The following SLC17A1 variants were observed in gnomAD, a reference collection of about 807,000 sequenced individuals.
SLC17A1 encodes the protein solute carrier family 17 member 1.
In SLC17A1, 51 loss-of-function variants were observed where a neutral mutation model predicts 53.5. That is an observed-to-expected ratio of 0.95 (90% CI 0.76 to 1.20). The LOEUF (loss-of-function observed/expected upper bound fraction) is 1.20. Among genes scored for constraint, SLC17A1 ranks in the 50% most tolerant of loss-of-function variants. SLC17A1 has a pLI of 0.00. For synonymous variants in SLC17A1, 179 were observed against 198.8 expected (o/e 0.90, Z 0.84); for missense variants, 538 against 568.2 (o/e 0.95, Z 0.54).
At chr6:25,777,622 C>G in the SLC17A1 span, 1 of 248,838 alleles carries the variant, frequency 4.0e-6, no homozygotes, top group East Asian at 8.1e-5. Flanking sequence ...CCTTACAAAC[C>G]AGGTGCAGAC....
chr6:25,818,904 G>T (rs1477619592), intron 6 of SLC17A1, among the ~76,000 whole-genome samples, 164 bp downstream of exon 6: 2 of 152,142 alleles, frequency 1.3e-5, no homozygotes, highest in Non-Finnish European at 2.9e-5. Context: ...ATAATACCTT[G>T]CTTGTGATAG....
the SLC17A1 span, chr6:25,727,035 A>G: frequency 2.5e-6 from 4 of 1,614,274 alleles, no homozygotes; most frequent in South Asian, 2.2e-5. Context: ...TTCTATTTAC[A>G]TCTACAAAGT....
chr6:25,727,076 C>G, the SLC17A1 span: 3 of 1,614,120 alleles, frequency 1.9e-6, no homozygotes, highest in African/African-American at 1.3e-5. Context: ...ACACTGGCAT[C>G]TCTTCGAAAG....
At position 25,798,883 on chromosome 6, in the gene SLC17A1, T is replaced by C; in HGVS notation, c.1306A>G (p.Met436Val). ...AGGCCAGTCACATTAATGGCTGCCA[T>C]CAGGATGAAGGTTTTAAACCAGGCG... ...ESAWFKTFIL[M>V]AAINVTGLIF... is the part of the protein sequence containing the mutation. Residue 436 changes from methionine to valine, a missense_variant, in exon 12 of 13, where the codon ATG (methionine) becomes GTG (valine). By Grantham distance (21) the Met-to-Val change is conservative. Transcript: ENST00000244527. The C allele has an allele frequency of 1.2e-6, 2 of 1,605,376 alleles. No homozygotes were observed. Among genetic ancestry groups the C allele is most frequent in the Non-Finnish European group, 1.7e-6 (2 of 1,174,120 alleles).
intron 10 of SLC17A1, among the ~76,000 whole-genome samples, chr6:25,804,178 T>G (rs1763880093): frequency 6.6e-6 from 1 of 152,146 alleles, no homozygotes; most frequent in Admixed American, 6.5e-5. Flanking sequence ...CAATGTAGCT[T>G]AACTATCCAG....
At chr6:25,732,763 C>T in the SLC17A1 span, 7 of 1,029,566 alleles carry the variant, frequency 6.8e-6, no homozygotes, top group Admixed American at 1.9e-5. Flanking sequence ...TTTTGCCCAA[C>T]ATCCAAGCTG....
At chr6:25,792,480 A>T (rs1763523503) in intron 12 of SLC17A1, among the ~76,000 whole-genome samples, 1 of 125,984 alleles carries the variant, frequency 7.9e-6, no homozygotes, top group Non-Finnish European at 1.6e-5. Context: ...ACTCCCTTTA[A>T]AATTGTTCTA....
chr6:25,827,838 A>G lies in SLC17A1; in HGVS notation c.35-1205T>C, dbSNP rs75967274. Among the ~76,000 whole-genome samples, 31 of 152,298 alleles carry G rather than the reference A, an allele frequency of 2.0e-4. No individual in the cohort carries two copies. The East Asian group carries it at 5.8e-3, about 28-fold the overall frequency. Reference sequence around the variant, plus strand: ...GAAAACTTAGAATTCTGCCTACTACAGTCCACCATCTGGCCCTTAAAGACT... The same window carrying G: ...GAAAACTTAGAATTCTGCCTACTACGGTCCACCATCTGGCCCTTAAAGACT... On this transcript the variant is annotated intron_variant, in intron 2 of 12. Coordinates refer to ENST00000244527, the MANE Select transcript of SLC17A1 (RefSeq NM_005074.5).
At chr6:25,817,742 C>A (rs1274875899) in intron 6 of SLC17A1, among the ~76,000 whole-genome samples, 2 of 152,206 alleles carry the variant, frequency 1.3e-5, no homozygotes, top group Non-Finnish European at 2.9e-5. Context: ...GCCGTAATTT[C>A]TGTATATTTG....
At chr6:25,726,981 A>G in the SLC17A1 span, 2 of 1,614,154 alleles carry the variant, frequency 1.2e-6, no homozygotes, top group Non-Finnish European at 1.7e-6. Context: ...TAAGACCCAG[A>G]AAAAGGAAGG....
At chr6:25,801,875 T>C (rs1423005991) in intron 10 of SLC17A1, among the ~76,000 whole-genome samples, 5 of 152,196 alleles carry the variant, frequency 3.3e-5, no homozygotes, top group Non-Finnish European at 7.4e-5. Flanking sequence ...TATGCAGTCA[T>C]TGGGTAGGAT....
chr6:25,812,865 A>C lies in SLC17A1; in HGVS notation c.863T>G (p.Phe288Cys), dbSNP rs79078661. Reference protein sequence around the residue: ...HNIMTLYTPMFINSMLHVNIK... With the variant: ...HNIMTLYTPMCINSMLHVNIK... ...ATTAACATGAAGCATGGAGTTGATA[A>C]ACATTGGAGTGTATAGTGTCATGAT... Residue 288 changes from phenylalanine (F) to cysteine (C), a missense_variant, in exon 8 of 13, where the codon TTT becomes TGT. Transcript: ENST00000244527. 235 of 1,611,604 alleles carry C rather than the reference A, an allele frequency of 1.5e-4. No individual in the cohort carries two copies. The East Asian group carries it at 5.2e-3, about 35-fold the overall frequency.
rs550260424 is a variant in SLC17A1, at chr6:25,830,542, G to T, written c.16C>A (p.Arg6=). Residue 6 remains arginine (R), a synonymous_variant, in exon 2 of 13, where the codon CGG becomes AGG. Transcript: ENST00000244527. MQMDN[R]LPPKKVPGFC... ...GTGCTACCTTTTTTGGGAGGCAACC[G>T]GTTATCCATTTGCATACACGGCTGA... 7 of 1,613,690 alleles carry T rather than the reference G, an allele frequency of 4.3e-6. No homozygotes were observed. The highest frequency in any genetic ancestry group is 5.9e-6 in the Non-Finnish European group (7 of 1,179,688).
At chr6:25,748,694 G>A in the SLC17A1 span, among the ~76,000 whole-genome samples, 1 of 152,194 alleles carries the variant, frequency 6.6e-6, no homozygotes, top group African/African-American at 2.4e-5. Context: ...TCAGCAAGAG[G>A]AATGTGGTAG....
chr6:25,770,202 T>C, the SLC17A1 span: 2 of 1,614,000 alleles, frequency 1.2e-6, no homozygotes, highest in Non-Finnish European at 1.7e-6. Context: ...TGGTGCTGGC[T>C]TGTTTATTTC....
At chr6:25,740,159 A>G in the SLC17A1 span, among the ~76,000 whole-genome samples, 1 of 152,198 alleles carries the variant, frequency 6.6e-6, no homozygotes. Flanking sequence ...CCAGAGCTGG[A>G]GAAATCTGGG....
At chr6:25,806,750 A>C (rs914630050) in intron 10 of SLC17A1, among the ~76,000 whole-genome samples, 1 of 152,150 alleles carries the variant, frequency 6.6e-6, no homozygotes. Context: ...TAACCCACAG[A>C]ATGGGTGAAA....
At position 25,813,111 on chromosome 6, in the gene SLC17A1, G is replaced by C. The variant is rs776777541; in HGVS notation, c.719C>G (p.Ser240Cys). 6.2e-7 allele frequency: 1 copy of C among 1,613,984 alleles called. No individual in the cohort carries two copies. The highest frequency in any genetic ancestry group is 2.2e-5 in the East Asian group (1 of 44,884). Residue 240 changes from serine to cysteine, a missense_variant, in exon 7 of 13, where the codon TCC (serine) becomes TGC (cysteine). Ser to Cys is a moderately radical substitution (Grantham distance 112, BLOSUM62 -1). Transcript: ENST00000244527. ...GTGTTCTACCTGCTGGACCAGGGAG[G>C]ATGTGATGTATTCCTTTTCACTGAT... Reference protein sequence around the residue: ...ISISEKEYITSSLVQQVSSSR... With the variant: ...ISISEKEYITCSLVQQVSSSR...
At chr6:25,773,585 T>G in the SLC17A1 span, 1 of 1,613,866 alleles carries the variant, frequency 6.2e-7, no homozygotes, top group East Asian at 2.2e-5. Flanking sequence ...CATTTTAGTC[T>G]CTTATTTCTG....
Sources: allele counts gnomAD v4.1 joint callset (sites outside exome capture counted in the v4.1 genomes callset), GRCh38; gene constraint gnomAD v4.1.1; transcripts MANE v1.5; gene names NCBI Gene and HGNC (gene_info 2026-07-23, HGNC 2026-07-21).